ELOVL5: variants seen among roughly 807,000 people sequenced by gnomAD.
ELOVL5 encodes ELOVL fatty acid elongase 5, also known as very long chain fatty acid elongase 5.
A neutral mutation model predicts 38.6 loss-of-function variants in ELOVL5; 8 were observed. The ratio of observed to expected loss-of-function variants is 0.21; its 90% CI spans 0.12 to 0.37. ELOVL5 has a LOEUF of 0.37. Among genes scored for constraint, ELOVL5 ranks in the 10% least tolerant of loss-of-function variants. The pLI, the probability that ELOVL5 is intolerant of heterozygous loss-of-function variation, is 1.00. For missense variants in ELOVL5, 280 were observed against 367.8 expected (o/e 0.76, Z 1.95); for synonymous variants, 127 against 133.7 (o/e 0.95, Z 0.34).
chr6:53,303,536 G>A (rs982537929), intron 1 of ELOVL5, among the ~76,000 whole-genome samples: 28 of 152,014 alleles, frequency 1.8e-4, no homozygotes, highest in African/African-American at 6.3e-4. Flanking sequence ...TATCATACAC[G>A]AAGGCAAAAA....
intron 1 of ELOVL5, among the ~76,000 whole-genome samples, chr6:53,325,909 A>G (rs1768522777): frequency 6.6e-6 from 1 of 152,240 alleles, no homozygotes; most frequent in Non-Finnish European, 1.5e-5. Context: ...TTTAAGGCAC[A>G]TTAAAACGTG....
At chr6:53,286,343 C>A (rs1766569901) in intron 3 of ELOVL5, among the ~76,000 whole-genome samples, 1 of 152,136 alleles carries the variant, frequency 6.6e-6, no homozygotes, top group Non-Finnish European at 1.5e-5. Flanking sequence ...GGGAGGATCA[C>A]TTTGAGTCCA....
chr6:53,317,961 T>G (rs1768128387), intron 1 of ELOVL5, among the ~76,000 whole-genome samples: 1 of 152,132 alleles, frequency 6.6e-6, no homozygotes, highest in South Asian at 2.1e-4. Flanking sequence ...CAACTAATAC[T>G]CACTCTATCC....
chr6:53,292,018 G>T, intron 2 of ELOVL5, 55 bp from the exon 3 acceptor site: 1 of 1,209,634 alleles, frequency 8.3e-7, no homozygotes, highest in Non-Finnish European at 1.1e-6. Context: ...CTTTTCAAAC[G>T]TTGAAAAAAT....
intron 5 of ELOVL5, among the ~76,000 whole-genome samples, chr6:53,274,470 G>A (rs746197840): frequency 4.6e-5 from 7 of 152,278 alleles, no homozygotes; most frequent in South Asian, 2.1e-4. Flanking sequence ...TTTGGATGAC[G>A]GGACTTTTGA....
At chr6:53,296,700 C>A in intron 1 of ELOVL5, among the ~76,000 whole-genome samples, 1 of 152,170 alleles carries the variant, frequency 6.6e-6, no homozygotes, top group Non-Finnish European at 1.5e-5. Flanking sequence ...CTATAGCTCC[C>A]TACCTTCCCC....
intron 6 of ELOVL5, 85 bp from the exon 7 acceptor site, chr6:53,270,812 C>T (rs1698310989): frequency 3.3e-6 from 5 of 1,531,042 alleles, no homozygotes; most frequent in South Asian, 2.4e-5. Context: ...CCAGCATCAC[C>T]TAAATTTCTG....
intron 1 of ELOVL5, among the ~76,000 whole-genome samples, chr6:53,346,226 G>T (rs1290952556): frequency 6.6e-6 from 1 of 152,138 alleles, no homozygotes; most frequent in African/African-American, 2.4e-5. Context: ...CCATGTCCCT[G>T]CAAAAGACAC....
intron 3 of ELOVL5, among the ~76,000 whole-genome samples, chr6:53,290,863 C>T (rs1415132487): frequency 6.6e-6 from 1 of 152,116 alleles, no homozygotes; most frequent in African/African-American, 2.4e-5. Context: ...TTCCTCCCAC[C>T]TCTACCTTCT....
chr6:53,276,504 C>A (rs139032248), intron 3 of ELOVL5, among the ~76,000 whole-genome samples: 1 of 152,178 alleles, frequency 6.6e-6, no homozygotes, highest in African/African-American at 2.4e-5. Context: ...TCCTTTACCA[C>A]GCTGCTTCTC....
At chr6:53,326,153 C>T (rs1445135905) in intron 1 of ELOVL5, among the ~76,000 whole-genome samples, 1 of 152,150 alleles carries the variant, frequency 6.6e-6, no homozygotes, top group Non-Finnish European at 1.5e-5. Flanking sequence ...ATCTCTTAGC[C>T]TGTTGAAGCC....
At chr6:53,315,176 T>C (rs1193003620) in intron 1 of ELOVL5, among the ~76,000 whole-genome samples, 1 of 152,192 alleles carries the variant, frequency 6.6e-6, no homozygotes, top group Non-Finnish European at 1.5e-5. Context: ...TCTTCCTGGC[T>C]TCAGATGGCT....
intron 2 of ELOVL5, chr6:53,294,257 G>A (rs1196495343): frequency 6.5e-7 from 1 of 1,542,878 alleles, no homozygotes; most frequent in South Asian, 1.2e-5. Flanking sequence ...AATCTGTGGT[G>A]GTCCTAACCC....
rs1581953644 is a variant in ELOVL5, at chr6:53,303,887, G to C, written c.-8-8180C>G. ...AGTCACACCAGTGGCTGTTATCTGTGGTCCTTCCTCCCTGTCCTCTTGCCT... is the reference window on the plus strand; with the variant it reads ...AGTCACACCAGTGGCTGTTATCTGTCGTCCTTCCTCCCTGTCCTCTTGCCT... On this transcript the variant is annotated intron_variant, in intron 1 of 7. Coordinates refer to ENST00000304434, the MANE Select transcript of ELOVL5 (RefSeq NM_021814.5). 5.3e-5 allele frequency among the ~76,000 whole-genome samples: 8 copies of C among 152,212 alleles called. 1 individual carries two copies. In the South Asian group the frequency reaches 1.7e-3, roughly 32 times the overall value.
At chr6:53,279,642 T>C (rs991997580) in intron 3 of ELOVL5, among the ~76,000 whole-genome samples, 8 of 152,356 alleles carry the variant, frequency 5.3e-5, no homozygotes, top group African/African-American at 1.9e-4. Context: ...TAATGTTTCA[T>C]GTGCAGCAAT....
chr6:53,294,247 A>G, intron 2 of ELOVL5: 1 of 1,530,622 alleles, frequency 6.5e-7, no homozygotes, highest in Non-Finnish European at 8.8e-7. Flanking sequence ...GGATCTAGTC[A>G]ATCTGTGGTG....
At chr6:53,313,090 C>T (rs1336789352) in intron 1 of ELOVL5, among the ~76,000 whole-genome samples, 1 of 152,202 alleles carries the variant, frequency 6.6e-6, no homozygotes, top group Non-Finnish European at 1.5e-5. Flanking sequence ...AAGAGGCCCG[C>T]TGTCAAACAG....
At chr6:53,279,838 C>T (rs1766288633) in intron 3 of ELOVL5, among the ~76,000 whole-genome samples, 2 of 152,154 alleles carry the variant, frequency 1.3e-5, no homozygotes, top group South Asian at 4.1e-4. Context: ...TGAGTTGAAG[C>T]TTATTCACCT....
chr6:53,345,374 A>G (rs9370201), intron 1 of ELOVL5, among the ~76,000 whole-genome samples: 55,483 of 152,086 alleles, frequency 0.36, 11,294 homozygotes, highest in African/African-American at 0.56. Flanking sequence ...CAATTCAGGA[A>G]TGCTAGGCCC....
Sources: allele counts gnomAD v4.1 joint callset (sites outside exome capture counted in the v4.1 genomes callset), GRCh38; gene constraint gnomAD v4.1.1; transcripts MANE v1.5; gene names NCBI Gene and HGNC (gene_info 2026-07-23, HGNC 2026-07-21).